The following UNC5D variants were observed in gnomAD, a reference collection of about 807,000 sequenced individuals.
UNC5D encodes the protein netrin receptor UNC5D.
A neutral mutation model predicts 105.4 loss-of-function variants in UNC5D; 39 were observed. The observed-to-expected ratio is 0.37, with a 90% confidence interval of 0.29 to 0.48. The LOEUF is 0.48. UNC5D is among the 20% of genes least tolerant of loss of function. UNC5D has a pLI of 0.98. For synonymous variants in UNC5D, 452 were observed against 450.4 expected, an observed-to-expected ratio of 1.00 and a Z score of -0.04; for missense variants, 991 against 1,202.4, an observed-to-expected ratio of 0.82 and a Z score of 2.60.
chr8:35,738,126 A>G (rs1327649200), intron 11 of UNC5D, among the ~76,000 whole-genome samples: 1 of 152,134 alleles, frequency 6.6e-6, no homozygotes, highest in Non-Finnish European at 1.5e-5. Context: ...AAAAGAAAGA[A>G]AATTCTCAGA....
chr8:35,769,849 G>C (rs1177732742), intron 15 of UNC5D, among the ~76,000 whole-genome samples: 1 of 152,140 alleles, frequency 6.6e-6, no homozygotes, highest in Non-Finnish European at 1.5e-5. Flanking sequence ...TGTAGTCCCA[G>C]CTACTCGGGA....
At chr8:35,641,397 A>AC (rs1417775934) in intron 4 of UNC5D, among the ~76,000 whole-genome samples, 3 of 150,942 alleles carry the variant, frequency 2.0e-5, no homozygotes, top group African/African-American at 7.3e-5. Flanking sequence ...AAAAAAAAAA[A>AC]CAGCATCTAC....
chr8:35,239,901 T>C (rs1449775438), intron 1 of UNC5D, among the ~76,000 whole-genome samples: 1 of 152,134 alleles, frequency 6.6e-6, no homozygotes, highest in Non-Finnish European at 1.5e-5. Flanking sequence ...TCTTTTTTCC[T>C]TTCCTTTCCT....
chr8:35,361,370 G>T lies in UNC5D; in HGVS notation c.103+125483G>T, dbSNP rs577538626. On this transcript the variant is annotated intron_variant, in intron 1 of 16. Transcript: ENST00000404895. ...TCTCATGGCTGTCCTTGATTTTAAA[G>T]TGAACAGTAAATAAAATAAATGGAG... is the stretch of plus-strand genomic sequence containing the variant. Among the ~76,000 whole-genome samples the T allele has an allele frequency of 2.0e-5, 3 of 152,230 alleles. No individual in the cohort carries two copies. The South Asian group carries it at 6.2e-4, about 32-fold the overall frequency.
At chr8:35,591,029 T>TA (rs1250472500) in intron 3 of UNC5D, among the ~76,000 whole-genome samples, 1 of 152,232 alleles carries the variant, frequency 6.6e-6, no homozygotes, top group African/African-American at 2.4e-5. Context: ...TAAGTGTTTT[T>TA]ATTGCCCATT....
At chr8:35,323,137 A>G (rs1809872876) in intron 1 of UNC5D, among the ~76,000 whole-genome samples, 1 of 151,366 alleles carries the variant, frequency 6.6e-6, no homozygotes, top group African/African-American at 2.4e-5. Flanking sequence ...CATCTCTGAC[A>G]TGAGAAAAAA....
At chr8:35,763,045 G>A (rs888739256) in intron 14 of UNC5D, among the ~76,000 whole-genome samples, 2 of 152,102 alleles carry the variant, frequency 1.3e-5, no homozygotes, top group Admixed American at 6.5e-5. Context: ...CAGAGAGCTC[G>A]TTGGTGTTTT....
At chr8:35,305,295 T>G (rs994660056) in intron 1 of UNC5D, among the ~76,000 whole-genome samples, 7 of 152,094 alleles carry the variant, frequency 4.6e-5, no homozygotes, top group African/African-American at 1.7e-4. Context: ...TGGAATTCTT[T>G]TAGAGTTGGT....
intron 1 of UNC5D, among the ~76,000 whole-genome samples, chr8:35,542,076 T>A (rs998796508): frequency 2.6e-5 from 4 of 152,176 alleles, no homozygotes; most frequent in African/African-American, 9.6e-5. Flanking sequence ...GTGAGGTGAA[T>A]GATGCAAACG....
At chr8:35,551,513 C>T (rs1189544467) in intron 2 of UNC5D, among the ~76,000 whole-genome samples, 1 of 152,096 alleles carries the variant, frequency 6.6e-6, no homozygotes, top group Non-Finnish European at 1.5e-5. Context: ...GGAGTATCAG[C>T]CTCCAGCAAA....
At chr8:35,400,238 C>A (rs143452954) in intron 1 of UNC5D, among the ~76,000 whole-genome samples, 3 of 150,810 alleles carry the variant, frequency 2.0e-5, no homozygotes, top group Middle Eastern at 3.4e-3. Flanking sequence ...TTTTTTTTAA[C>A]GGAAAAAATG....
intron 1 of UNC5D, among the ~76,000 whole-genome samples, chr8:35,310,571 G>A (rs906989245): frequency 6.6e-6 from 1 of 152,104 alleles, no homozygotes; most frequent in African/African-American, 2.4e-5. Context: ...AGTGAGTTGA[G>A]ATTGTGCCAC....
chr8:35,273,698 A>G (rs1805579552), intron 1 of UNC5D, among the ~76,000 whole-genome samples: 1 of 152,228 alleles, frequency 6.6e-6, no homozygotes, highest in Non-Finnish European at 1.5e-5. Context: ...GTCTCATATC[A>G]TAACCACTCT....
chr8:35,734,476 T>C (rs1171726623), intron 11 of UNC5D, among the ~76,000 whole-genome samples: 1 of 152,086 alleles, frequency 6.6e-6, no homozygotes, highest in East Asian at 1.9e-4. Flanking sequence ...AATGGCGTGA[T>C]CTCGACTCAC....
intron 4 of UNC5D, among the ~76,000 whole-genome samples, chr8:35,611,892 T>G (rs1820710245): frequency 6.6e-6 from 1 of 152,228 alleles, no homozygotes; most frequent in South Asian, 2.1e-4. Flanking sequence ...ATCCGACATT[T>G]TAATGGTTTT....
intron 4 of UNC5D, among the ~76,000 whole-genome samples, chr8:35,628,922 C>T (rs1057006050): frequency 6.6e-6 from 1 of 152,112 alleles, no homozygotes; most frequent in Non-Finnish European, 1.5e-5. Flanking sequence ...TTATCCAACC[C>T]CCTGATTATA....
intron 4 of UNC5D, among the ~76,000 whole-genome samples, chr8:35,632,982 T>G (rs1822133842): frequency 1.3e-5 from 2 of 152,138 alleles, no homozygotes; most frequent in Non-Finnish European, 2.9e-5. Flanking sequence ...AACAATCAGC[T>G]CCCTCCTACA....
rs190482497 is a variant in UNC5D, at chr8:35,329,527, A to G, written c.103+93640A>G. On this transcript the variant is annotated intron_variant, in intron 1 of 16. Coordinates refer to ENST00000404895, the MANE Select transcript of UNC5D (RefSeq NM_080872.4). ...CGGAGAATAGACAAGCACCAGGAAAATGCCGAGTGCTGTTAATTAGCTTGT... is the reference window on the plus strand; with the variant it reads ...CGGAGAATAGACAAGCACCAGGAAAGTGCCGAGTGCTGTTAATTAGCTTGT... Among the ~76,000 whole-genome samples the G allele has an allele frequency of 2.6e-3, 399 of 152,204 alleles. 2 individuals carry two copies. The highest frequency in any genetic ancestry group is 9.2e-3 in the African/African-American group (384 of 41,536).
intron 1 of UNC5D, among the ~76,000 whole-genome samples, chr8:35,335,224 C>A (rs1467279269): frequency 2.0e-5 from 3 of 152,128 alleles, no homozygotes; most frequent in Non-Finnish European, 2.9e-5. Context: ...CTGACTATTA[C>A]AAATAAAACT....
Sources: allele counts gnomAD v4.1 joint callset (sites outside exome capture counted in the v4.1 genomes callset), GRCh38; gene constraint gnomAD v4.1.1; transcripts MANE v1.5; gene names NCBI Gene and HGNC (gene_info 2026-07-23, HGNC 2026-07-21).